ADAMTSL2: variants seen among roughly 807,000 people sequenced by gnomAD.
The protein encoded by ADAMTSL2 is ADAMTS-like protein 2.
ADAMTSL2 carries 55 observed loss-of-function variants against 117.0 expected under a neutral mutation model. The observed-to-expected ratio is 0.47, with a 90% confidence interval of 0.38 to 0.59. The LOEUF is 0.59. Among genes scored for constraint, ADAMTSL2 ranks in the 20% least tolerant of loss-of-function variants. The pLI is 0.00. For missense variants in ADAMTSL2, 1,182 were observed against 1,354.5 expected (o/e 0.87, Z 2.00); for synonymous variants, 572 against 566.4 (o/e 1.01, Z -0.14).
At chr9:133,565,659 C>A (rs751708190) in intron 12 of ADAMTSL2, among the ~76,000 whole-genome samples, 1 of 152,248 alleles carries the variant, frequency 6.6e-6, no homozygotes, top group Non-Finnish European at 1.5e-5. Context: ...CAGGCTGTTT[C>A]GTTCCATCCA....
At chr9:133,535,070 C>T (rs1830018779) in intron 1 of ADAMTSL2, among the ~76,000 whole-genome samples, 153 bp downstream of exon 1, 1 of 152,086 alleles carries the variant, frequency 6.6e-6, no homozygotes, top group Non-Finnish European at 1.5e-5. Context: ...CCGCAGAGCA[C>T]GGGGCAGGGT....
chr9:133,542,027 C>A (rs1830236693), intron 7 of ADAMTSL2, among the ~76,000 whole-genome samples: 1 of 152,230 alleles, frequency 6.6e-6, no homozygotes, highest in African/African-American at 2.4e-5. Context: ...TGGGAATAAT[C>A]TGTCAAGGTC....
At chr9:133,562,789 T>C (rs1390969299) in intron 12 of ADAMTSL2, among the ~76,000 whole-genome samples, 2 of 90,778 alleles carry the variant, frequency 2.2e-5, no homozygotes, top group Non-Finnish European at 2.2e-5. Flanking sequence ...GGCGGCGTGG[T>C]GGGCACCGGC....
At chr9:133,552,799 TG>T (rs1830517070) in intron 9 of ADAMTSL2, among the ~76,000 whole-genome samples, 1 of 152,154 alleles carries the variant, frequency 6.6e-6, no homozygotes, top group East Asian at 1.9e-4. Flanking sequence ...AAATGCGGGA[TG>T]TGATGGGCTG....
upstream of ADAMTSL2, chr9:133,534,471 C>T (rs921512619): frequency 8.1e-6 from 3 of 369,458 alleles, no homozygotes; most frequent in East Asian, 4.2e-5. Context: ...GACATGTGGC[C>T]CCCAGTTCTG....
At chr9:133,559,121 C>G (rs1830670960) in intron 11 of ADAMTSL2, among the ~76,000 whole-genome samples, 3 of 152,118 alleles carry the variant, frequency 2.0e-5, no homozygotes, top group Non-Finnish European at 4.4e-5. Context: ...TCTTTTTGTT[C>G]TTGGGGAGAA....
intron 3 of ADAMTSL2, 92 bp downstream of exon 3, chr9:133,537,639 T>C (rs1412818967): frequency 8.0e-6 from 10 of 1,249,276 alleles, no homozygotes; most frequent in Non-Finnish European, 1.0e-5. Flanking sequence ...TGGTGGCTTC[T>C]CCCCCTGGGA....
intron 2 of ADAMTSL2, 29 bp downstream of exon 2, chr9:133,536,831 C>T (rs1830064646): frequency 5.0e-6 from 8 of 1,613,690 alleles, no homozygotes; most frequent in Non-Finnish European, 5.9e-6. Flanking sequence ...TCTGAGGGCC[C>T]ATGCCAGTCC....
intron 8 of ADAMTSL2, among the ~76,000 whole-genome samples, chr9:133,545,079 A>G (rs928642384): frequency 4.6e-5 from 7 of 152,036 alleles, no homozygotes; most frequent in South Asian, 4.2e-4. Context: ...TCCATGATGG[A>G]CAGAGTGGTG....
intron 12 of ADAMTSL2, among the ~76,000 whole-genome samples, chr9:133,563,323 C>A (rs1321260025): frequency 6.6e-6 from 1 of 152,232 alleles, no homozygotes; most frequent in Non-Finnish European, 1.5e-5. Flanking sequence ...CGGAGCTGAG[C>A]ATGGTGGTGG....
chr9:133,570,351 C>CG lies in ADAMTSL2; in HGVS notation c.2440dup (p.Val814GlyfsTer90). 6.5e-7 allele frequency: 1 copy of CG among 1,548,702 alleles called. No individual in the cohort carries two copies. On this transcript the variant is annotated frameshift_variant, in exon 17 of 19. Coordinates refer to ENST00000651351, the MANE Select transcript of ADAMTSL2 (RefSeq NM_014694.4). LOFTEE classifies it high-confidence loss of function. ...CTCAGTGCAACACCACCTGCGGGCG[C>CG]GGGGTCAAGAAGCGGCTGGTGCTCT...
chr9:133,539,657 C>CTGTCCCGGCTGTCCCGGT, intron 4 of ADAMTSL2, 114 bp from the exon 5 acceptor site: 2 of 979,938 alleles, frequency 2.0e-6, no homozygotes, highest in Non-Finnish European at 3.1e-6. Context: ...CCCCGCACGG[C>CTGTCCCGGCTGTCCCGGT]TGTCCCGGCT....
intron 1 of ADAMTSL2, 49 bp from the exon 2 acceptor site, chr9:133,536,514 C>T: frequency 6.7e-7 from 1 of 1,501,974 alleles, no homozygotes; most frequent in Non-Finnish European, 8.9e-7. Context: ...TCACCAAGCT[C>T]CTTCTTGCTA....
At chr9:133,574,340 G>C (rs932699768) in intron 18 of ADAMTSL2, among the ~76,000 whole-genome samples, 2 of 152,206 alleles carry the variant, frequency 1.3e-5, no homozygotes, top group Non-Finnish European at 2.9e-5. Context: ...CTGGCACACA[G>C]GGGGCAGGGA....
Position 133,540,625 on chromosome 9 carries a change from C to T in ADAMTSL2, c.440C>T (p.Pro147Leu), listed in dbSNP as rs113994121. The change falls in exon 6 of 19, where the codon CCG becomes CTG. Residue 147 changes from proline to leucine, a missense_variant. Around this residue, in one of 3 missense-constraint regions of ADAMTSL2, gnomAD observed 372 missense variants for 463.4 expected, o/e 0.80. Coordinates refer to ENST00000651351, the MANE Select transcript of ADAMTSL2 (RefSeq NM_014694.4). Reference sequence around the variant, plus strand: ...GACTATGTCCACATCTCCAGCAAACCGTGTGACCTGCACTGTACCACCGTG... The same window carrying T: ...GACTATGTCCACATCTCCAGCAAACTGTGTGACCTGCACTGTACCACCGTG... ...PDDYVHISSK[P>L]CDLHCTTVDG... 6.2e-7 allele frequency: 1 copy of T among 1,613,642 alleles called. No individual in the cohort carries two copies. Among genetic ancestry groups the T allele is most frequent in the Non-Finnish European group, 8.5e-7 (1 of 1,180,038 alleles).
intron 12 of ADAMTSL2, among the ~76,000 whole-genome samples, chr9:133,565,823 G>C (rs1396081613): frequency 6.7e-6 from 1 of 148,590 alleles, no homozygotes; most frequent in Non-Finnish European, 1.5e-5. Context: ...CGGAAGGCTG[G>C]GTCTGTCTCC....
chr9:133,534,920 A>G lies in ADAMTSL2; in HGVS notation c.-151+3A>G. On this transcript the variant is annotated splice_donor_region_variant and intron_variant, in intron 1 of 18. Transcript: ENST00000651351. ...ACAACCTGCTGACCCGAAGCCAGGT[A>G]GGCCACCTCGTCCCCGTCCCCCTCA... is the stretch of plus-strand genomic sequence containing the variant. 1.4e-6 allele frequency: 2 copies of G among 1,392,724 alleles called. No homozygotes were observed. Among genetic ancestry groups the G allele is most frequent in the Middle Eastern group, 1.8e-4 (1 of 5,426 alleles). 86.3% of individuals were successfully genotyped at this position (1,392,724 alleles called of 1,614,324 possible).
At chr9:133,573,027 A>G (rs1204013100) in intron 17 of ADAMTSL2, among the ~76,000 whole-genome samples, 1 of 152,210 alleles carries the variant, frequency 6.6e-6, no homozygotes, top group Non-Finnish European at 1.5e-5. Context: ...GGCTCGGAGC[A>G]GGCAGGCAGG....
intron 14 of ADAMTSL2, 39 bp downstream of exon 14, chr9:133,568,525 C>G (rs1831029904): frequency 6.4e-7 from 1 of 1,572,880 alleles, no homozygotes; most frequent in Admixed American, 1.9e-5. Context: ...TCGGGAAGAG[C>G]TGGGGAGCTG....
Sources: allele counts gnomAD v4.1 joint callset (sites outside exome capture counted in the v4.1 genomes callset), GRCh38; gene constraint gnomAD v4.1.1; regional missense constraint gnomAD v4.1.1; transcripts MANE v1.5; gene names NCBI Gene and HGNC (gene_info 2026-07-23, HGNC 2026-07-21).